RAC2: variants seen among roughly 807,000 people sequenced by gnomAD.
RAC2 encodes the protein Rac family small GTPase 2.
RAC2 carries 1 observed loss-of-function variant against 24.0 expected under a neutral mutation model. That is an observed-to-expected ratio of 0.04 (90% CI 0.01 to 0.20). The LOEUF is 0.20. RAC2 is among the 10% of genes least tolerant of loss of function. RAC2 has a pLI of 1.00. For synonymous variants in RAC2, 114 were observed against 106.8 expected (o/e 1.07, Z -0.41); for missense variants, 130 against 259.1 (o/e 0.50, Z 3.42).
At chr22:37,239,868 GC>G (rs2145830036) in intron 2 of RAC2, among the ~76,000 whole-genome samples, 1 of 152,292 alleles carries the variant, frequency 6.6e-6, no homozygotes, top group South Asian at 2.1e-4. Context: ...TTTGCAGCCA[GC>G]CCTCCCTTGG....
chr22:37,237,815 C>T (rs911695737), intron 2 of RAC2, among the ~76,000 whole-genome samples: 1 of 151,920 alleles, frequency 6.6e-6, no homozygotes, highest in African/African-American at 2.4e-5. Flanking sequence ...GGGCCCCGTC[C>T]TCAGGGAGCT....
In RAC2 at chr22:37,231,520, G is replaced by T; in HGVS notation, c.289-130C>A. Reference sequence around the variant, plus strand: ...CAAGTTGCCAGAAGATCAGAGGTGGGCACGACGGTGAGGAGAGAGAGACGT... The same window carrying T: ...CAAGTTGCCAGAAGATCAGAGGTGGTCACGACGGTGAGGAGAGAGAGACGT... On this transcript the variant is annotated intron_variant, in intron 4 of 6. Transcript: ENST00000249071. The surrounding 1 kb of genome is among the most constrained non-coding windows in gnomAD (Gnocchi z 5.5). The T allele has an allele frequency of 1.2e-6, 1 of 835,972 alleles. No homozygotes were observed. The highest frequency in any genetic ancestry group is 1.9e-6 in the Non-Finnish European group (1 of 520,326). The allele number at this position is 835,972 out of a possible 1,614,324, so 51.8% of individuals were successfully genotyped here. A position where few individuals can be genotyped will look rare whatever the true frequency, so the allele number is the denominator to read the frequency against.
At chr22:37,237,205 G>A (rs917674393) in intron 2 of RAC2, among the ~76,000 whole-genome samples, 1 of 143,758 alleles carries the variant, frequency 7.0e-6, no homozygotes, top group African/African-American at 2.5e-5. Flanking sequence ...GGAAGGAAGG[G>A]AGGAAGGGAG....
intron 2 of RAC2, chr22:37,241,165 G>T (rs771823232): frequency 1.7e-5 from 13 of 778,460 alleles, no homozygotes; most frequent in Non-Finnish European, 2.9e-5. Flanking sequence ...GGCCTCCCAG[G>T]CCTGCAGACA....
In RAC2 at chr22:37,225,439, T is replaced by A. The variant is rs1465606372; in HGVS notation, c.*603A>T. On this transcript the variant is annotated 3_prime_UTR_variant, in exon 7 of 7. Coordinates refer to ENST00000249071, the MANE Select transcript of RAC2 (RefSeq NM_002872.5). ...GTCTTAAGAAATGGCAGGGGCTGGTTGAACCCAGATTTTCCATTGGCTGAG... is the reference window on the plus strand; with the variant it reads ...GTCTTAAGAAATGGCAGGGGCTGGTAGAACCCAGATTTTCCATTGGCTGAG... 1 of 152,234 alleles carries A rather than the reference T, an allele frequency of 6.6e-6. No individual in the cohort carries two copies. Among genetic ancestry groups the A allele is most frequent in the Non-Finnish European group, 1.5e-5 (1 of 68,062 alleles). The allele number at this position is 152,234 out of a possible 1,614,324, so 9.4% of individuals were successfully genotyped here.
In RAC2 at chr22:37,226,441, G is replaced by A. The variant is rs141906683; in HGVS notation, c.*2+230C>T. On this transcript the variant is annotated intron_variant, in intron 6 of 6. Transcript: ENST00000249071. ...GACACCCACTCCCTGGCCCGGGGGT[G>A]GGGGGTTACCAGGCATTCATTCATA... Among the ~76,000 whole-genome samples the A allele has an allele frequency of 9.2e-5, 14 of 152,164 alleles. No individual in the cohort carries two copies. In the South Asian group the frequency reaches 1.4e-3, roughly 16 times the overall value.
chr22:37,243,848 G>T (rs1927479405), intron 1 of RAC2, among the ~76,000 whole-genome samples: 1 of 152,206 alleles, frequency 6.6e-6, no homozygotes, highest in Non-Finnish European at 1.5e-5. Flanking sequence ...GGGTGCAGGT[G>T]AGGAGCCCTG....
chr22:37,229,135 G>A (rs1304565225), intron 5 of RAC2, among the ~76,000 whole-genome samples: 1 of 152,210 alleles, frequency 6.6e-6, no homozygotes, highest in East Asian at 1.9e-4. Context: ...CTGAGCTGGG[G>A]GGCCAGGGCT....
At position 37,241,641 on chromosome 22, in the gene RAC2, C is replaced by T. The variant is rs1317148335; in HGVS notation, c.53G>A (p.Cys18Tyr). ...VVGDGAVGKT[C>Y]LLISYTTNAF... ...GTTGGTGGTGTAGCTGATGAGAAGG[C>T]AGGTCTTGCCCACGGCCCTGAAAGA... Residue 18 changes from cysteine (C) to tyrosine (Y), a missense_variant, in exon 2 of 7, where the codon TGC becomes TAC. Coordinates refer to ENST00000249071, the MANE Select transcript of RAC2 (RefSeq NM_002872.5). 6.2e-7 allele frequency: 1 copy of T among 1,614,118 alleles called. No homozygotes were observed. Among genetic ancestry groups the T allele is most frequent in the Non-Finnish European group, 8.5e-7 (1 of 1,179,942 alleles).
intron 2 of RAC2, among the ~76,000 whole-genome samples, chr22:37,240,133 G>C (rs1199220561): frequency 6.6e-6 from 1 of 152,200 alleles, no homozygotes; most frequent in Non-Finnish European, 1.5e-5. Flanking sequence ...GCAGCAGAGA[G>C]AGCCCAGCCC....
rs1292283952 is a variant in RAC2, at chr22:37,225,762, A to G, written c.*280T>C. On this transcript the variant is annotated 3_prime_UTR_variant, in exon 7 of 7. Transcript: ENST00000249071. ...CTTCCACATGCGGCAGTTGGCACTG[A>G]CGGCAGGAACACGGGGGTGGCTTAA... 6.6e-6 allele frequency: 1 copy of G among 152,278 alleles called. No homozygotes were observed. The highest frequency in any genetic ancestry group is 1.5e-5 in the Non-Finnish European group (1 of 68,104). The allele number at this position is 152,278 out of a possible 1,614,324, so 9.4% of individuals were successfully genotyped here.
rs1569089698 is a variant in RAC2, at chr22:37,231,903, G to GC, written c.288+28dup. 1 of 1,550,690 alleles carries GC rather than the reference G, an allele frequency of 6.4e-7. No homozygotes were observed. Among genetic ancestry groups the GC allele is most frequent in the Admixed American group, 2.0e-5 (1 of 50,996 alleles). Reference sequence around the variant, plus strand: ...GTCCCTCAGGGTTACCTGCCCCAGAGCCCCCAAGGCCCACCCTGTCCAGCT... The same window carrying GC: ...GTCCCTCAGGGTTACCTGCCCCAGAGCCCCCCAAGGCCCACCCTGTCCAGCT... On this transcript the variant is annotated intron_variant, in intron 4 of 6. Coordinates refer to ENST00000249071, the MANE Select transcript of RAC2 (RefSeq NM_002872.5). This position sits in a 1 kb window ranked among gnomAD's most constrained non-coding sequence, Gnocchi z 5.5.
intron 1 of RAC2, among the ~76,000 whole-genome samples, chr22:37,243,087 C>A (rs1358052726): frequency 6.6e-6 from 1 of 152,224 alleles, no homozygotes; most frequent in Non-Finnish European, 1.5e-5. Flanking sequence ...CAGCCTCAAA[C>A]TCCCGGGCTC....
Position 37,232,785 on chromosome 22 carries a change from G to A in RAC2, c.225+16C>T, listed in dbSNP as rs8139928. The A allele has an allele frequency of 1.9e-6, 3 of 1,597,440 alleles. No individual in the cohort carries two copies. Among genetic ancestry groups the A allele is most frequent in the Non-Finnish European group, 2.6e-6 (3 of 1,165,588 alleles). ...CAGCAAAGGTCAGGACTGCAAGGCA[G>A]GTGGGAGCAGCACACCGTCTGTGGA... On this transcript the variant is annotated intron_variant, in intron 3 of 6. Transcript: ENST00000249071.
At chr22:37,230,280 G>T (rs1337269927) in intron 5 of RAC2, among the ~76,000 whole-genome samples, 5 of 151,884 alleles carry the variant, frequency 3.3e-5, no homozygotes, top group Non-Finnish European at 5.9e-5. Flanking sequence ...GGCGGGGCTG[G>T]GGCGGTGGGG....
chr22:37,227,471 AC>A (rs67537084), intron 5 of RAC2, among the ~76,000 whole-genome samples: 86 of 892 alleles, frequency 0.096, 5 homozygotes, highest in Middle Eastern at 0.17. Flanking sequence ...CACGCCATAC[AC>A]CCCCTCCCAC....
intron 2 of RAC2, among the ~76,000 whole-genome samples, chr22:37,235,324 C>A (rs1379727127): frequency 6.6e-6 from 1 of 152,176 alleles, no homozygotes; most frequent in Non-Finnish European, 1.5e-5. Flanking sequence ...TGGAAAGTGC[C>A]TGCAAACAGT....
At chr22:37,226,471 G>A (rs1320420223) in intron 6 of RAC2, among the ~76,000 whole-genome samples, 200 bp downstream of exon 6, 1 of 152,066 alleles carries the variant, frequency 6.6e-6, no homozygotes, top group African/African-American at 2.4e-5. Context: ...TTCATACCTT[G>A]GGCCTTGCCT....
Position 37,231,439 on chromosome 22 carries a change from C to G in RAC2, c.289-49G>C, listed in dbSNP as rs576291977. ...CAAGGTTGTATGGGTCAAGAGGGGG[C>G]GCGAGGCTGTGCGGGGATCAGAGGG... On this transcript the variant is annotated intron_variant, in intron 4 of 6. Coordinates refer to ENST00000249071, the MANE Select transcript of RAC2 (RefSeq NM_002872.5). The surrounding 1 kb of genome is among the most constrained non-coding windows in gnomAD (Gnocchi z 5.5). The G allele has an allele frequency of 2.2e-5, 34 of 1,576,260 alleles. No individual in the cohort carries two copies. The African/African-American group carries it at 3.9e-4, about 18-fold the overall frequency.
Sources: allele counts gnomAD v4.1 joint callset (sites outside exome capture counted in the v4.1 genomes callset), GRCh38; gene constraint gnomAD v4.1.1; non-coding constraint Gnocchi (gnomAD v3.1); transcripts MANE v1.5; gene names NCBI Gene and HGNC (gene_info 2026-07-23, HGNC 2026-07-21).